LOC102723971: variants seen among roughly 807,000 people sequenced by gnomAD.
chr9:135,619,649 G>T, the LOC102723971 span, among the ~76,000 whole-genome samples: 1 of 152,150 alleles, frequency 6.6e-6, no homozygotes, highest in Non-Finnish European at 1.5e-5. Flanking sequence ...TACCTGTGTG[G>T]CAGGTGAGAC....
chr9:135,615,159 C>T, the LOC102723971 span, among the ~76,000 whole-genome samples: 1 of 152,190 alleles, frequency 6.6e-6, no homozygotes, highest in Non-Finnish European at 1.5e-5. Context: ...CCTGAGAGCC[C>T]AGAGGGTGGC....
the LOC102723971 span, among the ~76,000 whole-genome samples, chr9:135,619,823 G>T: frequency 6.6e-6 from 1 of 151,366 alleles, no homozygotes; most frequent in African/African-American, 2.4e-5. Context: ...TCCAGAGGCT[G>T]CCCCGAAAAC....
the LOC102723971 span, among the ~76,000 whole-genome samples, chr9:135,618,578 C>T: frequency 6.6e-6 from 1 of 151,954 alleles, no homozygotes; most frequent in Non-Finnish European, 1.5e-5. Context: ...AGGAGCATGA[C>T]CGTGCTGTGT....
At chr9:135,615,837 C>T in the LOC102723971 span, among the ~76,000 whole-genome samples, 2 of 152,180 alleles carry the variant, frequency 1.3e-5, no homozygotes, top group Admixed American at 1.3e-4. Flanking sequence ...AGGACCACAG[C>T]CACCCTGGGC....
At chr9:135,616,332 C>T in the LOC102723971 span, among the ~76,000 whole-genome samples, 147 of 152,314 alleles carry the variant, frequency 9.7e-4, 1 homozygote, top group African/African-American at 3.0e-3. Context: ...GACTCCACTT[C>T]GTCACTCCAG....
At chr9:135,619,857 C>G in the LOC102723971 span, among the ~76,000 whole-genome samples, 10 of 134,582 alleles carry the variant, frequency 7.4e-5, no homozygotes, top group South Asian at 5.4e-4. Context: ...CCTTCTCCCC[C>G]TTCTCCCCCT....
chr9:135,616,567 G>A, the LOC102723971 span: 2 of 398,618 alleles, frequency 5.0e-6, no homozygotes, highest in South Asian at 1.3e-4. Flanking sequence ...CCAGGCCCTG[G>A]TTCCTTTCTC....
chr9:135,618,598 C>T, the LOC102723971 span, among the ~76,000 whole-genome samples: 1 of 151,792 alleles, frequency 6.6e-6, no homozygotes, highest in Non-Finnish European at 1.5e-5. Flanking sequence ...TGAGCACGGG[C>T]CGCCAGGGTG....
the LOC102723971 span, among the ~76,000 whole-genome samples, chr9:135,619,273 G>A: frequency 6.6e-6 from 1 of 152,190 alleles, no homozygotes; most frequent in Non-Finnish European, 1.5e-5. Flanking sequence ...CCAGGGTGGT[G>A]AGGAGGGGGC....
the LOC102723971 span, chr9:135,616,819 T>A: frequency 2.5e-6 from 1 of 398,134 alleles, no homozygotes. Context: ...CTTGGTGGCA[T>A]TGCAATGTCC....
chr9:135,618,156 C>G, the LOC102723971 span: 14 of 395,670 alleles, frequency 3.5e-5, no homozygotes, highest in Middle Eastern at 6.3e-4. Context: ...TCCGCACTCC[C>G]CTTACGGCCA....
chr9:135,616,621 G>A, the LOC102723971 span: 24 of 398,698 alleles, frequency 6.0e-5, no homozygotes, highest in Admixed American at 3.1e-4. Flanking sequence ...AAACATCACC[G>A]TCCATCCAAC....
chr9:135,618,770 C>A, the LOC102723971 span, among the ~76,000 whole-genome samples: 15 of 151,940 alleles, frequency 9.9e-5, no homozygotes, highest in African/African-American at 3.6e-4. Context: ...CCACAGAGCA[C>A]AGGGCCCTGG....
the LOC102723971 span, among the ~76,000 whole-genome samples, chr9:135,616,117 A>T: frequency 2.6e-5 from 4 of 152,178 alleles, no homozygotes; most frequent in Admixed American, 2.6e-4. Flanking sequence ...CCCCGGAGCA[A>T]GGGGCATGGG....
the LOC102723971 span, chr9:135,618,005 A>G: frequency 2.5e-6 from 1 of 398,722 alleles, no homozygotes. Context: ...GTACGTGGAG[A>G]AATTCCACCT....
chr9:135,615,108 G>A, the LOC102723971 span, among the ~76,000 whole-genome samples: 3 of 152,214 alleles, frequency 2.0e-5, no homozygotes, highest in African/African-American at 7.2e-5. Flanking sequence ...CCTGGGAGGG[G>A]CACGACCACC....
the LOC102723971 span, among the ~76,000 whole-genome samples, chr9:135,619,610 C>T: frequency 2.6e-5 from 4 of 152,114 alleles, no homozygotes; most frequent in Admixed American, 6.5e-5. Context: ...AGAAGCCCAG[C>T]GGGGCTGCCA....
At chr9:135,619,876 TTCTCCCCAA>T in the LOC102723971 span, among the ~76,000 whole-genome samples, 12 of 28,878 alleles carry the variant, frequency 4.2e-4, no homozygotes, top group Non-Finnish European at 5.3e-4. Context: ...CTTCTCCCCC[TTCTCCCCAA>T]TCTCCCCCGT....
chr9:135,617,493 G>A, the LOC102723971 span, among the ~76,000 whole-genome samples: 1 of 152,108 alleles, frequency 6.6e-6, no homozygotes, highest in Admixed American at 6.5e-5. Context: ...GGGGCTGGGG[G>A]CATTTCAGGG....
Sources: gnomAD v4.1 joint callset for allele counts (sites outside exome capture counted in the v4.1 genomes callset) on GRCh38, gnomAD v4.1.1 for gene constraint, MANE v1.5 for transcripts.